CAPSL: variants seen among roughly 807,000 people sequenced by gnomAD.
CAPSL encodes the protein calcyphosine like, also known as calcyphosin-like protein.
CAPSL carries 17 observed loss-of-function variants against 21.3 expected under a neutral mutation model. The ratio of observed to expected loss-of-function variants is 0.80; its 90% CI spans 0.55 to 1.20. CAPSL has a LOEUF of 1.20. CAPSL is among the 50% of genes most tolerant of loss of function. The probability of loss-of-function intolerance (pLI) is 0.00; values close to 1 mark genes in which losing one functional copy is unlikely to be tolerated. For synonymous variants in CAPSL, 102 were observed against 89.3 expected, an observed-to-expected ratio of 1.14 and a Z score of -0.80; for missense variants, 289 against 259.3, an observed-to-expected ratio of 1.11 and a Z score of -0.79.
intron 1 of CAPSL, among the ~76,000 whole-genome samples, chr5:35,929,389 T>G (rs1383380368): frequency 6.7e-6 from 1 of 148,806 alleles, no homozygotes; most frequent in Non-Finnish European, 1.5e-5. Context: ...GCCTCCCGGG[T>G]TCAAGCAATC....
At chr5:35,914,741 T>C (rs371056111) in intron 2 of CAPSL, among the ~76,000 whole-genome samples, 3 of 151,862 alleles carry the variant, frequency 2.0e-5, no homozygotes, top group Admixed American at 1.3e-4. Flanking sequence ...GCACTAAATG[T>C]CCACAAGAGA....
intron 1 of CAPSL, among the ~76,000 whole-genome samples, chr5:35,925,906 G>A (rs1175742411): frequency 6.6e-6 from 1 of 151,822 alleles, no homozygotes; most frequent in Admixed American, 6.6e-5. Flanking sequence ...GTGAAACTCC[G>A]TCTCTACCAA....
chr5:35,932,986 A>G (rs1031937405), intron 1 of CAPSL, among the ~76,000 whole-genome samples: 1 of 152,200 alleles, frequency 6.6e-6, no homozygotes, highest in Non-Finnish European at 1.5e-5. Flanking sequence ...TGGTTTTGTA[A>G]ATAACATTTT....
At chr5:35,937,281 C>T (rs1738974263) in intron 1 of CAPSL, among the ~76,000 whole-genome samples, 1 of 152,284 alleles carries the variant, frequency 6.6e-6, no homozygotes, top group South Asian at 2.1e-4. Context: ...TTGATGGTCC[C>T]CCATTGCATA....
intron 2 of CAPSL, among the ~76,000 whole-genome samples, chr5:35,915,134 C>G (rs1738339461): frequency 6.6e-6 from 1 of 152,162 alleles, no homozygotes; most frequent in South Asian, 2.1e-4. Context: ...TTCCTCAACA[C>G]ACACACCCTC....
chr5:35,912,233 T>C (rs1380155660), intron 2 of CAPSL, among the ~76,000 whole-genome samples: 1 of 152,102 alleles, frequency 6.6e-6, no homozygotes, highest in African/African-American at 2.4e-5. Flanking sequence ...TGGGTGGAGC[T>C]CACTGCAGCT....
intron 1 of CAPSL, among the ~76,000 whole-genome samples, chr5:35,937,442 G>A (rs1319036660): frequency 6.6e-6 from 1 of 152,128 alleles, no homozygotes; most frequent in African/African-American, 2.4e-5. Flanking sequence ...CTGTATCTCT[G>A]TGCCTTTGTA....
At chr5:35,935,919 T>C (rs1443575001) in intron 1 of CAPSL, among the ~76,000 whole-genome samples, 1 of 152,190 alleles carries the variant, frequency 6.6e-6, no homozygotes. Context: ...CCATGTTCCA[T>C]GTACTTAACG....
chr5:35,928,059 T>C (rs1269899242), intron 1 of CAPSL, among the ~76,000 whole-genome samples: 1 of 152,198 alleles, frequency 6.6e-6, no homozygotes, highest in Non-Finnish European at 1.5e-5. Flanking sequence ...ATTTGGTGCC[T>C]GGCAAGGACT....
At chr5:35,920,404 T>G (rs1488816051) in intron 2 of CAPSL, among the ~76,000 whole-genome samples, 1 of 152,168 alleles carries the variant, frequency 6.6e-6, no homozygotes, top group Non-Finnish European at 1.5e-5. Context: ...GGACCTGCCC[T>G]CAGGAGGCTC....
chr5:35,908,262 A>G (rs1488851526), intron 4 of CAPSL, among the ~76,000 whole-genome samples: 1 of 152,210 alleles, frequency 6.6e-6, no homozygotes, highest in Non-Finnish European at 1.5e-5. Context: ...CAGTGCAGCT[A>G]GGAATCTACA....
intron 1 of CAPSL, among the ~76,000 whole-genome samples, chr5:35,935,524 A>G (rs1738923189): frequency 6.6e-6 from 1 of 151,916 alleles, no homozygotes; most frequent in Non-Finnish European, 1.5e-5. Context: ...TAGTAGAGAC[A>G]GGATCTTGCT....
intron 2 of CAPSL, 73 bp from the exon 3 acceptor site, chr5:35,910,616 A>G: frequency 1.7e-6 from 2 of 1,146,018 alleles, no homozygotes; most frequent in Non-Finnish European, 2.4e-6. Flanking sequence ...TTAAAAAAAA[A>G]TCCACACTCA....
intron 2 of CAPSL, among the ~76,000 whole-genome samples, chr5:35,919,029 A>G (rs187946205): frequency 3.4e-4 from 51 of 152,052 alleles, no homozygotes; most frequent in Non-Finnish European, 5.6e-4. Context: ...ATACTGTTAA[A>G]ACCGTAGGGG....
chr5:35,932,321 T>C (rs1363531547), intron 1 of CAPSL, among the ~76,000 whole-genome samples: 1 of 152,178 alleles, frequency 6.6e-6, no homozygotes, highest in East Asian at 1.9e-4. Context: ...TAGTCATCAA[T>C]GTTTCCAGAC....
intron 2 of CAPSL, among the ~76,000 whole-genome samples, chr5:35,918,420 G>A (rs1738447907): frequency 1.3e-5 from 2 of 152,152 alleles, no homozygotes; most frequent in South Asian, 4.1e-4. Context: ...AGATTACGTG[G>A]ACACAAGGAG....
At chr5:35,922,069 C>G (rs1380221772) in intron 1 of CAPSL, among the ~76,000 whole-genome samples, 1 of 34,456 alleles carries the variant, frequency 2.9e-5, no homozygotes, top group East Asian at 6.8e-4. Flanking sequence ...ATGCAATGTG[C>G]AGAAAAAAAA....
At position 35,909,858 on chromosome 5, in the gene CAPSL, T is replaced by G; in HGVS notation, c.525+8A>C. The G allele has an allele frequency of 6.2e-7, 1 of 1,604,400 alleles. No homozygotes were observed. The highest frequency in any genetic ancestry group is 1.3e-5 in the African/African-American group (1 of 74,632). ...GAAATTTCCCCTAGATTAGGCTCTTTTACTTACCAATCCATCTTTGTCATA... is the reference window on the plus strand; with the variant it reads ...GAAATTTCCCCTAGATTAGGCTCTTGTACTTACCAATCCATCTTTGTCATA... On this transcript the variant is annotated splice_region_variant and intron_variant, in intron 4 of 4. Transcript: ENST00000651391.
At position 35,910,419 on chromosome 5, in the gene CAPSL, C is replaced by T; in HGVS notation, c.262G>A (p.Asp88Asn). The change falls in exon 3 of 5, where the codon GAT (aspartate) becomes AAT (asparagine). Residue 88 changes from aspartate to asparagine, a missense_variant. Asp to Asn is a conservative substitution (Grantham distance 23). Transcript: ENST00000651391. ...EEVEELFRRF[D>N]KDGNGTIDFN... The stretch of plus-strand genomic sequence containing the variant: ...TCTATTGTTCCATTTCCATCTTTAT[C>T]AAACCTCCGGAAAAGTTCTTCCACC... The T allele has an allele frequency of 6.2e-7, 1 of 1,613,972 alleles. No homozygotes were observed. Among genetic ancestry groups the T allele is most frequent in the Non-Finnish European group, 8.5e-7 (1 of 1,179,896 alleles).
Sources: gnomAD v4.1 joint callset for allele counts (sites outside exome capture counted in the v4.1 genomes callset) on GRCh38, gnomAD v4.1.1 for gene constraint, MANE v1.5 for transcripts, NCBI Gene and HGNC (gene_info 2026-07-23, HGNC 2026-07-21) for gene names.